BRD10: variants seen among roughly 807,000 people sequenced by gnomAD.
BRD10 encodes the protein uncharacterized bromodomain-containing protein 10.
At chr9:5,988,200 A>G in the BRD10 span, 1 of 624,402 alleles carries the variant, frequency 1.6e-6, no homozygotes, top group Non-Finnish European at 2.8e-6. Context: ...TTACATTTTA[A>G]ACAAATTTTA....
the BRD10 span, among the ~76,000 whole-genome samples, chr9:5,954,262 A>C: frequency 6.6e-6 from 1 of 152,360 alleles, no homozygotes; most frequent in African/African-American, 2.4e-5. Context: ...GCAAACATTA[A>C]ACTATTAACT....
At chr9:5,921,511 C>G in the BRD10 span, 1 of 1,613,826 alleles carries the variant, frequency 6.2e-7, no homozygotes, top group South Asian at 1.1e-5. Flanking sequence ...TAGATGTCAG[C>G]GCAGGTGTCA....
At chr9:5,959,966 C>T in the BRD10 span, among the ~76,000 whole-genome samples, 1 of 152,174 alleles carries the variant, frequency 6.6e-6, no homozygotes, top group Non-Finnish European at 1.5e-5. Context: ...CTTCCAGTGA[C>T]ACCTCACTTA....
At chr9:6,007,986 G>A in the BRD10 span, 1 of 1,279,158 alleles carries the variant, frequency 7.8e-7, no homozygotes, top group East Asian at 3.2e-5. Context: ...GTTACATGGC[G>A]CGCGAGGAGG....
the BRD10 span, among the ~76,000 whole-genome samples, chr9:5,994,706 C>T: frequency 0.011 from 1,601 of 152,244 alleles, 24 homozygotes; most frequent in African/African-American, 0.03. Flanking sequence ...TGTAGCCTCT[C>T]TCTTAAATCT....
the BRD10 span, among the ~76,000 whole-genome samples, chr9:5,881,031 C>G: frequency 6.6e-6 from 1 of 152,106 alleles, no homozygotes; most frequent in African/African-American, 2.4e-5. Flanking sequence ...AAGATCTCAC[C>G]CAAGGTGGAG....
At chr9:6,008,182 G>A in the BRD10 span, 12 of 973,740 alleles carry the variant, frequency 1.2e-5, no homozygotes, top group African/African-American at 1.1e-4. Context: ...CTGGGAGGGG[G>A]CGAGGAGGAA....
chr9:5,929,901 T>A, the BRD10 span, among the ~76,000 whole-genome samples: 1 of 152,172 alleles, frequency 6.6e-6, no homozygotes, highest in Admixed American at 6.5e-5. Context: ...AACCCGTATC[T>A]GCCTGATTCT....
the BRD10 span, among the ~76,000 whole-genome samples, chr9:5,942,834 C>T: frequency 3.3e-5 from 5 of 152,162 alleles, no homozygotes; most frequent in African/African-American, 1.2e-4. Context: ...TTCTGATTAA[C>T]ATGCCCTCAA....
At chr9:5,921,181 T>A in the BRD10 span, 1 of 1,613,960 alleles carries the variant, frequency 6.2e-7, no homozygotes, top group Non-Finnish European at 8.5e-7. Flanking sequence ...TGTCTTCTCC[T>A]TTTGGGGTTA....
At chr9:5,924,219 C>T in the BRD10 span, among the ~76,000 whole-genome samples, 1 of 152,018 alleles carries the variant, frequency 6.6e-6, no homozygotes, top group Non-Finnish European at 1.5e-5. Flanking sequence ...TGGGCAATGA[C>T]AGGCCTACAG....
chr9:5,883,014 T>C, the BRD10 span, among the ~76,000 whole-genome samples: 94,652 of 150,746 alleles, frequency 0.63, 31,613 homozygotes, highest in Non-Finnish European at 0.76. Context: ...TGTTGTGGAG[T>C]GGGGGGCTGG....
chr9:5,983,094 A>C, the BRD10 span, among the ~76,000 whole-genome samples: 3 of 152,220 alleles, frequency 2.0e-5, no homozygotes, highest in South Asian at 6.2e-4. Flanking sequence ...TAAACTCCAC[A>C]AAGTTAAATC....
chr9:6,007,810 C>T, the BRD10 span: 1 of 1,447,010 alleles, frequency 6.9e-7, no homozygotes, highest in Non-Finnish European at 9.0e-7. Flanking sequence ...CTAGGCTGGG[C>T]GGTGTGGAAC....
chr9:5,994,334 G>C, the BRD10 span, among the ~76,000 whole-genome samples: 1 of 152,086 alleles, frequency 6.6e-6, no homozygotes, highest in Non-Finnish European at 1.5e-5. Context: ...TTTGCTGCTT[G>C]AGAAGCCAGA....
the BRD10 span, among the ~76,000 whole-genome samples, chr9:5,991,703 C>T: frequency 1.9e-4 from 26 of 135,060 alleles, no homozygotes; most frequent in South Asian, 4.7e-3. Flanking sequence ...CCAGCCTGGG[C>T]GACAGAGAAA....
At chr9:6,008,009 G>A in the BRD10 span, 15 of 1,253,808 alleles carry the variant, frequency 1.2e-5, no homozygotes, top group Non-Finnish European at 1.5e-5. Flanking sequence ...GGAGAGAAGA[G>A]GAGAGCCTAG....
At chr9:5,911,146 C>T in the BRD10 span, among the ~76,000 whole-genome samples, 5 of 152,176 alleles carry the variant, frequency 3.3e-5, no homozygotes, top group Admixed American at 6.5e-5. Flanking sequence ...GTTTCTCCAA[C>T]GCTTTCTTTT....
the BRD10 span, among the ~76,000 whole-genome samples, chr9:5,945,279 C>G: frequency 6.6e-6 from 1 of 152,062 alleles, no homozygotes; most frequent in Non-Finnish European, 1.5e-5. Context: ...GATCTGGAAA[C>G]TCACCCTAGA....
Sources: gnomAD v4.1 joint callset for allele counts (sites outside exome capture counted in the v4.1 genomes callset) on GRCh38, gnomAD v4.1.1 for gene constraint, MANE v1.5 for transcripts, NCBI Gene and HGNC (gene_info 2026-07-23, HGNC 2026-07-21) for gene names.